ZC3H13: variants seen among roughly 807,000 people sequenced by gnomAD.
ZC3H13 encodes zinc finger CCCH-type containing 13.
ZC3H13 carries 64 observed loss-of-function variants against 204.1 expected under a neutral mutation model. The observed-to-expected ratio is 0.31, with a 90% confidence interval of 0.26 to 0.39. The LOEUF (loss-of-function observed/expected upper bound fraction) is 0.39, where lower values mean the gene tolerates loss of function less well. Among genes scored for constraint, ZC3H13 ranks in the 10% least tolerant of loss-of-function variants. The probability of loss-of-function intolerance (pLI) is 1.00; values close to 1 mark genes in which losing one functional copy is unlikely to be tolerated. For synonymous variants in ZC3H13, 667 were observed against 693.7 expected, an observed-to-expected ratio of 0.96 and a Z score of 0.60; for missense variants, 1,833 against 2,082.7, an observed-to-expected ratio of 0.88 and a Z score of 2.33.
Position 45,968,732 on chromosome 13 carries a change from A to G in ZC3H13, c.3796+16T>C. ...ACCTAGGAAACAGTGACTAGATCAC[A>G]ATTCAATTTTATTACCTGAAGAAGT... On this transcript the variant is annotated intron_variant, in intron 14 of 18. Coordinates refer to ENST00000679008, the MANE Select transcript of ZC3H13 (RefSeq NM_001330564.2). The G allele has an allele frequency of 6.4e-7, 1 of 1,560,942 alleles. No homozygotes were observed. Among genetic ancestry groups the G allele is most frequent in the Non-Finnish European group, 8.6e-7 (1 of 1,158,216 alleles).
Position 45,969,787 on chromosome 13 carries a change from T to C in ZC3H13, c.2757A>G (p.Lys919=). The C allele has an allele frequency of 6.2e-7, 1 of 1,613,954 alleles. No individual in the cohort carries two copies. The highest frequency in any genetic ancestry group is 8.5e-7 in the Non-Finnish European group (1 of 1,180,018). The change falls in exon 14 of 19, where the codon AAA becomes AAG. Residue 919 remains lysine (K), a synonymous_variant. Transcript: ENST00000679008. ...CCAGGATTTCTGTCTGTTCTCTCTGTTTATCTACAGAAGAAACTTTCTCCT... is the reference window on the plus strand; with the variant it reads ...CCAGGATTTCTGTCTGTTCTCTCTGCTTATCTACAGAAGAAACTTTCTCCT... ...ELKEKVSSVD[K]QREQTEILES...
intron 4 of ZC3H13, among the ~76,000 whole-genome samples, chr13:46,033,941 C>T (rs372198754): frequency 7.9e-5 from 12 of 151,926 alleles, no homozygotes; most frequent in African/African-American, 2.7e-4. Context: ...GATTGGTATA[C>T]AGAATATTAC....
chr13:45,965,476 G>A, intron 15 of ZC3H13, 44 bp from the exon 16 acceptor site: 2 of 1,599,054 alleles, frequency 1.3e-6, no homozygotes, highest in Non-Finnish European at 1.7e-6. Flanking sequence ...ACATTAAAGG[G>A]AGAGGATGAC....
chr13:46,046,939 T>C (rs2139218134), intron 1 of ZC3H13, among the ~76,000 whole-genome samples: 1 of 152,350 alleles, frequency 6.6e-6, no homozygotes, highest in African/African-American at 2.4e-5. Flanking sequence ...TCCCGCTTTA[T>C]ACAAACTAAA....
At chr13:46,042,407 A>C (rs1265603637) in intron 3 of ZC3H13, 132 bp from the exon 4 acceptor site, 15 of 547,650 alleles carry the variant, frequency 2.7e-5, no homozygotes, top group South Asian at 1.1e-4. Flanking sequence ...ACTTTTTCTA[A>C]CTGACCTTGA....
rs191483798 is a variant in ZC3H13 at position 46,048,437 on chromosome 13, C to T, written c.-9-2921G>A. On this transcript the variant is annotated intron_variant, in intron 1 of 18. Coordinates refer to ENST00000679008, the MANE Select transcript of ZC3H13 (RefSeq NM_001330564.2). ...CTAAAAATACAAAAACAAAATTAGC[C>T]GGGCGTGGTGGCAGGCGCCTGTAGT... Among the ~76,000 whole-genome samples the T allele has an allele frequency of 2.7e-3, 412 of 151,966 alleles. 4 individuals are homozygous for T. Among genetic ancestry groups the T allele is most frequent in the African/African-American group, 9.3e-3 (384 of 41,450 alleles).
At chr13:45,961,843 C>T (rs189705476) in intron 17 of ZC3H13, among the ~76,000 whole-genome samples, 50 of 151,674 alleles carry the variant, frequency 3.3e-4, no homozygotes, top group African/African-American at 1.2e-3. Context: ...TCATGTACCC[C>T]ACAAATATAT....
chr13:46,000,696 T>G (rs2040681839), intron 8 of ZC3H13, among the ~76,000 whole-genome samples: 1 of 152,194 alleles, frequency 6.6e-6, no homozygotes, highest in African/African-American at 2.4e-5. Context: ...TTCATTGGAG[T>G]AGCACTTTAA....
Position 45,955,753 on chromosome 13 carries a change from T to C in ZC3H13, c.*1374A>G, listed in dbSNP as rs1951243415. 2 of 152,172 alleles carry C rather than the reference T, an allele frequency of 1.3e-5. No individual in the cohort carries two copies. Among genetic ancestry groups the C allele is most frequent in the Admixed American group, 1.3e-4 (2 of 15,286 alleles). The allele number at this position is 152,172 out of a possible 1,614,324, so 9.4% of individuals were successfully genotyped here. A position where few individuals can be genotyped will look rare whatever the true frequency, so the allele number is the denominator to read the frequency against. ...TGATTAAAGTCTTCTCCTGCTCTGT[T>C]TGCAATTATACATGCTTTCAAAGTC... is the stretch of plus-strand genomic sequence containing the variant. On this transcript the variant is annotated 3_prime_UTR_variant, in exon 19 of 19. Transcript: ENST00000679008.
intron 4 of ZC3H13, among the ~76,000 whole-genome samples, chr13:46,022,137 T>C (rs369167504): frequency 1.3e-5 from 2 of 152,048 alleles, no homozygotes; most frequent in South Asian, 4.1e-4. Context: ...ATGATGTCTG[T>C]AAATATTTCA....
At chr13:45,986,510 T>C (rs1954209424) in intron 9 of ZC3H13, among the ~76,000 whole-genome samples, 1 of 152,224 alleles carries the variant, frequency 6.6e-6, no homozygotes, top group African/African-American at 2.4e-5. Flanking sequence ...CCACAGTGAT[T>C]ATCTAAACAA....
intron 17 of ZC3H13, chr13:45,963,502 G>T: frequency 9.5e-7 from 1 of 1,055,070 alleles, no homozygotes; most frequent in Non-Finnish European, 1.1e-6. Context: ...GCTCACTGCA[G>T]CCTCAATTTC....
At chr13:46,051,204 A>C (rs535029744) in intron 1 of ZC3H13, among the ~76,000 whole-genome samples, 16 of 152,366 alleles carry the variant, frequency 1.1e-4, no homozygotes, top group Admixed American at 7.2e-4. Context: ...TTCATATTAC[A>C]AATATGAAAA....
In ZC3H13 at chr13:45,969,185, G is replaced by C; in HGVS notation, c.3359C>G (p.Ala1120Gly). Residue 1120 changes from alanine (A) to glycine (G), a missense_variant, in exon 14 of 19, where the codon GCT becomes GGT. Transcript: ENST00000679008. Reference protein sequence around the residue: ...ATATTVPATLAATTAAAATSF... With the variant: ...ATATTVPATLGATTAAAATSF... Reference sequence around the variant, plus strand: ...GGTGGCGGCAGCAGCAGTAGTGGCAGCAAGAGTTGCAGGCACAGTTGTAGC... The same window carrying C: ...GGTGGCGGCAGCAGCAGTAGTGGCACCAAGAGTTGCAGGCACAGTTGTAGC... The C allele has an allele frequency of 6.2e-7, 1 of 1,614,000 alleles. No homozygotes were observed. The highest frequency in any genetic ancestry group is 8.5e-7 in the Non-Finnish European group (1 of 1,179,982).
chr13:46,015,603 T>C (rs1417000845), intron 5 of ZC3H13, among the ~76,000 whole-genome samples: 1 of 152,190 alleles, frequency 6.6e-6, no homozygotes, highest in Non-Finnish European at 1.5e-5. Flanking sequence ...TTACTTTTTA[T>C]GTTACTTCAT....
At chr13:46,034,595 G>A (rs1246128229) in intron 4 of ZC3H13, among the ~76,000 whole-genome samples, 3 of 152,144 alleles carry the variant, frequency 2.0e-5, no homozygotes, top group African/African-American at 4.8e-5. Flanking sequence ...GGAGGCGACT[G>A]ATGACAAAAA....
At chr13:45,976,888 C>T (rs4942461) in intron 11 of ZC3H13, among the ~76,000 whole-genome samples, 114,084 of 152,088 alleles carry the variant, frequency 0.75, 43,276 homozygotes, top group African/African-American at 0.85. Context: ...TTAAGCAGAA[C>T]AATTTTAGGA....
intron 10 of ZC3H13, among the ~76,000 whole-genome samples, chr13:45,982,080 GACAA>G (rs913757695): frequency 1.3e-5 from 2 of 150,510 alleles, no homozygotes; most frequent in Admixed American, 1.3e-4. Flanking sequence ...AAGAACATAT[GACAA>G]ACTAACCCAC....
chr13:46,049,231 T>C (rs1321010534), intron 1 of ZC3H13, among the ~76,000 whole-genome samples: 2 of 151,254 alleles, frequency 1.3e-5, no homozygotes, highest in Non-Finnish European at 2.9e-5. Flanking sequence ...TAATACAGCA[T>C]CTGAGTATGC....
Sources: allele counts gnomAD v4.1 joint callset (sites outside exome capture counted in the v4.1 genomes callset), GRCh38; gene constraint gnomAD v4.1.1; transcripts MANE v1.5; gene names NCBI Gene and HGNC (gene_info 2026-07-23, HGNC 2026-07-21).